Variants in TRIP11 observed in about 807,000 individuals in gnomAD.
The protein encoded by TRIP11 is thyroid hormone receptor interactor 11.
A neutral mutation model predicts 223.1 loss-of-function variants in TRIP11; 148 were observed. The observed-to-expected ratio is 0.66, with a 90% CI of 0.58 to 0.76. The LOEUF (loss-of-function observed/expected upper bound fraction) is 0.76, where lower values mean the gene tolerates loss of function less well. Among genes scored for constraint, TRIP11 ranks in the 30% least tolerant of loss-of-function variants. The pLI is 0.00. For missense variants in TRIP11, 2,043 were observed against 2,222.0 expected (o/e 0.92, Z 1.62); for synonymous variants, 762 against 772.6 (o/e 0.99, Z 0.23).
chr14:91,992,985 A>G (rs999826601), intron 15 of TRIP11, among the ~76,000 whole-genome samples: 1 of 145,452 alleles, frequency 6.9e-6, no homozygotes, highest in Non-Finnish European at 1.5e-5. Flanking sequence ...TTGGTGTCCT[A>G]TCTCTTCATA....
chr14:92,004,788 T>C lies in TRIP11; in HGVS notation c.3188A>G (p.Gln1063Arg). ...EVGKLTQIIQ[Q>R]KDLEIQALHA... Reference sequence around the variant, plus strand: ...AAGAGCTTGTATCTCCAAATCTTTCTGCTGAATAATCTGAGTTAGTTTACC... The same window carrying C: ...AAGAGCTTGTATCTCCAAATCTTTCCGCTGAATAATCTGAGTTAGTTTACC... The change falls in exon 11 of 21, where the codon CAG becomes CGG. Residue 1063 changes from glutamine to arginine, a missense_variant. Transcript: ENST00000267622. The C allele has an allele frequency of 6.2e-7, 1 of 1,614,186 alleles. No homozygotes were observed. Among genetic ancestry groups the C allele is most frequent in the Non-Finnish European group, 8.5e-7 (1 of 1,180,030 alleles).
intron 8 of TRIP11, among the ~76,000 whole-genome samples, chr14:92,011,465 C>A (rs2056971495): frequency 9.5e-6 from 1 of 105,404 alleles, no homozygotes; most frequent in Admixed American, 1.5e-4. Flanking sequence ...GCCTGGGTGA[C>A]AGAGCAAGAC....
Position 92,005,001 on chromosome 14 carries a change from T to C in TRIP11, c.2975A>G (p.Asp992Gly), listed in dbSNP as rs2056879890. ...ERQDIQTDNS[D>G]IFQETKVQSL... is the part of the protein sequence containing the mutation. Reference sequence around the variant, plus strand: ...CTGAACTTTTGTTTCTTGAAAAATATCAGAGTTATCTGTTTGAATGTCCTG... The same window carrying C: ...CTGAACTTTTGTTTCTTGAAAAATACCAGAGTTATCTGTTTGAATGTCCTG... The change falls in exon 11 of 21, where the codon GAT becomes GGT. Residue 992 changes from aspartate to glycine, a missense_variant. Transcript: ENST00000267622. 6.2e-7 allele frequency: 1 copy of C among 1,613,914 alleles called. No homozygotes were observed. The highest frequency in any genetic ancestry group is 8.5e-7 in the Non-Finnish European group (1 of 1,179,992).
At position 92,037,124 on chromosome 14, in the gene TRIP11, T is replaced by C. The variant is rs1359541199; in HGVS notation, c.139+2423A>G. Among the ~76,000 whole-genome samples, 2 of 152,214 alleles carry C rather than the reference T, an allele frequency of 1.3e-5. No homozygotes were observed. Among genetic ancestry groups the C allele is most frequent in the East Asian group, 1.9e-4 (1 of 5,196 alleles). ...GAAAGAATAAAGGCATTAAGCAACT[T>C]TGCAGATTTCTAATCACGCACTTGT... On this transcript the variant is annotated intron_variant, in intron 1 of 20. Transcript: ENST00000267622. The surrounding 1 kb of genome is among the most constrained non-coding windows in gnomAD (Gnocchi z 4.2).
chr14:92,014,571 G>A lies in TRIP11; in HGVS notation c.830C>T (p.Ser277Phe), dbSNP rs373532678. ...ELENLLQQGG[S>F]GVIETDLSKI... ...AGAGAGATCAGTTTCTATAACTCCAGAGCCACCTAGAACATAAACACAAAA... is the reference window on the plus strand; with the variant it reads ...AGAGAGATCAGTTTCTATAACTCCAAAGCCACCTAGAACATAAACACAAAA... The change falls in exon 7 of 21, where the codon TCT (serine) becomes TTT (phenylalanine). Residue 277 changes from serine (S) to phenylalanine (F), a missense_variant. Transcript: ENST00000267622. 1.9e-6 allele frequency: 3 copies of A among 1,602,506 alleles called. No homozygotes were observed. In the African/African-American group the frequency reaches 4.0e-5, roughly 22 times the overall value.
chr14:92,023,160 A>G (rs1358413135), intron 3 of TRIP11, among the ~76,000 whole-genome samples: 1 of 152,234 alleles, frequency 6.6e-6, no homozygotes, highest in Middle Eastern at 3.2e-3. Context: ...TCGATAGTTA[A>G]GTAGAACATA....
chr14:92,008,434 C>A (rs781207007), intron 9 of TRIP11, among the ~76,000 whole-genome samples: 2 of 152,120 alleles, frequency 1.3e-5, no homozygotes, highest in Non-Finnish European at 2.9e-5. Flanking sequence ...TTTTTCTTGA[C>A]CCTAGAAAGA....
intron 15 of TRIP11, among the ~76,000 whole-genome samples, chr14:91,992,739 C>G (rs1043089730): frequency 5.3e-5 from 8 of 151,524 alleles, no homozygotes; most frequent in African/African-American, 1.7e-4. Context: ...GAAACCTCGT[C>G]TCTACTAAAA....
intron 15 of TRIP11, among the ~76,000 whole-genome samples, chr14:91,992,986 T>C (rs1260327881): frequency 1.3e-5 from 2 of 148,642 alleles, no homozygotes; most frequent in Admixed American, 6.7e-5. Context: ...TGGTGTCCTA[T>C]CTCTTCATAG....
At chr14:92,012,095 A>C (rs1387246009) in intron 7 of TRIP11, among the ~76,000 whole-genome samples, 1 of 152,224 alleles carries the variant, frequency 6.6e-6, no homozygotes, top group African/African-American at 2.4e-5. Flanking sequence ...AATGACAACC[A>C]GGTTTCAAAA....
intron 1 of TRIP11, among the ~76,000 whole-genome samples, chr14:92,035,096 G>C (rs568764231): frequency 6.6e-6 from 1 of 151,448 alleles, no homozygotes; most frequent in Non-Finnish European, 1.5e-5. Context: ...CTTGAGGTCA[G>C]GAGTTCAAGA....
intron 2 of TRIP11, among the ~76,000 whole-genome samples, chr14:92,026,168 T>A (rs530729697): frequency 6.6e-6 from 1 of 152,212 alleles, no homozygotes; most frequent in South Asian, 2.1e-4. Context: ...AAATCTCACA[T>A]AATTTGCTTG....
At position 91,966,971 on chromosome 14, in the gene TRIP11, A is replaced by C. The variant is rs2056347283; in HGVS notation, c.*2702T>G. 5.0e-6 allele frequency: 1 copy of C among 201,514 alleles called. No individual in the cohort carries two copies. The highest frequency in any genetic ancestry group is 2.3e-5 in the African/African-American group (1 of 43,396). The allele number at this position is 201,514 out of a possible 1,614,324, so 12.5% of individuals were successfully genotyped here. A position where few individuals can be genotyped will look rare whatever the true frequency, so the allele number is the denominator to read the frequency against. ...TGCCAACATTAGAATTATATGCTTC[A>C]TCACTGGTTACTAAGACGGTTCAGT... On this transcript the variant is annotated 3_prime_UTR_variant, in exon 21 of 21. Coordinates refer to ENST00000267622, the MANE Select transcript of TRIP11 (RefSeq NM_004239.4).
At chr14:91,977,088 G>A in intron 16 of TRIP11, 1 of 327,216 alleles carries the variant, frequency 3.1e-6, no homozygotes, top group Non-Finnish European at 6.0e-6. Context: ...GCTCTATCTA[G>A]AAACATTCAC....
At chr14:92,034,559 T>C (rs1338667373) in intron 1 of TRIP11, among the ~76,000 whole-genome samples, 1 of 152,090 alleles carries the variant, frequency 6.6e-6, no homozygotes, top group Non-Finnish European at 1.5e-5. Context: ...CGAAGAAAAA[T>C]ACACTGAGAA....
intron 16 of TRIP11, among the ~76,000 whole-genome samples, chr14:91,981,008 ATATATTTTTTTTT>A (rs1157974058): frequency 2.4e-3 from 191 of 78,290 alleles, no homozygotes; most frequent in African/African-American, 0.012. Flanking sequence ...ATATATATAT[ATATATTTTTTTTT>A]TTTTTTTTTT....
At chr14:91,996,870 T>C (rs1486596161) in intron 13 of TRIP11, among the ~76,000 whole-genome samples, 1 of 152,178 alleles carries the variant, frequency 6.6e-6, no homozygotes, top group Non-Finnish European at 1.5e-5. Flanking sequence ...AAGAGGTAGA[T>C]ATAGATAAAG....
chr14:92,029,246 T>C (rs1422159628), intron 2 of TRIP11, among the ~76,000 whole-genome samples: 1 of 148,638 alleles, frequency 6.7e-6, no homozygotes, highest in East Asian at 2.0e-4. Flanking sequence ...AATGGTAAAA[T>C]AACCAGTTTT....
At chr14:91,977,551 G>A (rs776060574) in intron 16 of TRIP11, among the ~76,000 whole-genome samples, 27 of 151,522 alleles carry the variant, frequency 1.8e-4, no homozygotes, top group Non-Finnish European at 3.2e-4. Context: ...TAAATGTATG[G>A]TATATTTCTA....
Sources: allele counts gnomAD v4.1 joint callset (sites outside exome capture counted in the v4.1 genomes callset), GRCh38; gene constraint gnomAD v4.1.1; non-coding constraint Gnocchi (gnomAD v3.1); transcripts MANE v1.5; gene names NCBI Gene and HGNC (gene_info 2026-07-23, HGNC 2026-07-21).